Variants in ERMP1 observed in about 807,000 individuals in gnomAD.
ERMP1 encodes the protein endoplasmic reticulum metallopeptidase 1.
ERMP1 carries 86 observed loss-of-function variants against 92.0 expected under a neutral mutation model. The observed-to-expected ratio is 0.93, with a 90% CI of 0.79 to 1.12. ERMP1 has a LOEUF of 1.12. Among genes scored for constraint, ERMP1 ranks in the 50% most tolerant of loss-of-function variants. The pLI is 0.00. For missense variants in ERMP1, 1,342 were observed against 1,116.3 expected, an observed-to-expected ratio of 1.20 and a Z score of -2.88; for synonymous variants, 530 against 412.8, an observed-to-expected ratio of 1.28 and a Z score of -3.44.
At chr9:5,860,224 G>A (rs184489615) in intron 5 of ERMP1, among the ~76,000 whole-genome samples, 15 of 151,518 alleles carry the variant, frequency 9.9e-5, no homozygotes, top group South Asian at 2.1e-4. Flanking sequence ...AGGATTGCTT[G>A]AGCCCAGGAA....
intron 8 of ERMP1, among the ~76,000 whole-genome samples, chr9:5,809,345 G>A (rs1266427747): frequency 6.6e-6 from 1 of 152,078 alleles, no homozygotes; most frequent in Non-Finnish European, 1.5e-5. Flanking sequence ...TTTTATTTTT[G>A]CCAAACAAAT....
At chr9:5,847,920 A>G (rs1830259737) in intron 6 of ERMP1, among the ~76,000 whole-genome samples, 1 of 151,934 alleles carries the variant, frequency 6.6e-6, no homozygotes, top group Non-Finnish European at 1.5e-5. Context: ...CAGGAAAAAA[A>G]AAAAAACCCA....
intron 4 of ERMP1, among the ~76,000 whole-genome samples, chr9:5,822,644 T>C (rs937611949): frequency 2.6e-5 from 4 of 152,314 alleles, no homozygotes; most frequent in Non-Finnish European, 2.9e-5. Flanking sequence ...CAACACACTC[T>C]TGAATATTAA....
chr9:5,814,761 C>A (rs531090485), intron 4 of ERMP1, among the ~76,000 whole-genome samples: 2 of 151,820 alleles, frequency 1.3e-5, no homozygotes, highest in Admixed American at 6.6e-5. Flanking sequence ...AAAAATGACC[C>A]AAAAAAGCAG....
intron 6 of ERMP1, among the ~76,000 whole-genome samples, chr9:5,854,117 C>G (rs1188884043): frequency 6.6e-6 from 1 of 151,932 alleles, no homozygotes; most frequent in Non-Finnish European, 1.5e-5. Flanking sequence ...GGGCTCCCCA[C>G]TCTTTCTCCA....
chr9:5,845,647 C>G (rs1208378628), intron 6 of ERMP1, among the ~76,000 whole-genome samples: 1 of 152,154 alleles, frequency 6.6e-6, no homozygotes, highest in Non-Finnish European at 1.5e-5. Context: ...GCCACAGATT[C>G]TCTAGTGAAG....
intron 13 of ERMP1, among the ~76,000 whole-genome samples, chr9:5,789,863 TGGTAGA>T (rs1828102700): frequency 6.6e-6 from 1 of 151,484 alleles, no homozygotes. Flanking sequence ...TTTTTTTTTT[TGGTAGA>T]GATGGGGTCT....
chr9:5,864,105 C>T (rs759526899), intron 5 of ERMP1, among the ~76,000 whole-genome samples: 28 of 152,230 alleles, frequency 1.8e-4, no homozygotes, highest in Non-Finnish European at 3.8e-4. Flanking sequence ...CACATTTTCA[C>T]TAGTCATGAA....
chr9:5,831,836 G>A (rs1290205237), intron 1 of ERMP1, among the ~76,000 whole-genome samples: 2 of 152,112 alleles, frequency 1.3e-5, no homozygotes, highest in African/African-American at 2.4e-5. Context: ...AAAACCAACT[G>A]TACCCCTAAT....
intron 13 of ERMP1, among the ~76,000 whole-genome samples, chr9:5,791,539 A>C (rs1485116817): frequency 6.6e-6 from 1 of 152,232 alleles, no homozygotes; most frequent in Non-Finnish European, 1.5e-5. Flanking sequence ...CCAAGTTGAC[A>C]CATAAAATAA....
intron 13 of ERMP1, among the ~76,000 whole-genome samples, chr9:5,790,024 C>G (rs1360040390): frequency 1.3e-5 from 2 of 151,888 alleles, no homozygotes; most frequent in East Asian, 1.9e-4. Flanking sequence ...AAATGTATTA[C>G]AAAAACACTA....
intron 5 of ERMP1, among the ~76,000 whole-genome samples, chr9:5,861,423 T>A (rs1830492070): frequency 6.6e-6 from 1 of 152,146 alleles, no homozygotes; most frequent in Non-Finnish European, 1.5e-5. Flanking sequence ...GGTTTTTTTT[T>A]ACTATTTTAT....
chr9:5,811,437 T>C (rs747081585), intron 6 of ERMP1, 114 bp from the exon 7 acceptor site: 51 of 734,132 alleles, frequency 6.9e-5, no homozygotes, highest in Admixed American at 6.8e-4. Context: ...CCATATACTG[T>C]TTGAATGAAG....
Position 5,825,230 on chromosome 9 carries a change from G to C in ERMP1, c.641-11C>G. 6.2e-7 allele frequency: 1 copy of C among 1,603,502 alleles called. No homozygotes were observed. The highest frequency in any genetic ancestry group is 8.5e-7 in the Non-Finnish European group (1 of 1,177,074). The stretch of plus-strand genomic sequence containing the variant: ...CATCATCACTGGCACCTTCAAATCA[G>C]AAAAACAAATTTGCTGCTCAGATTT... On this transcript the variant is annotated splice_polypyrimidine_tract_variant and intron_variant, in intron 2 of 14. Coordinates refer to ENST00000339450, the MANE Select transcript of ERMP1 (RefSeq NM_024896.3).
Position 5,805,171 on chromosome 9 carries a change from A to G in ERMP1, c.1770T>C (p.Ile590=). The part of the protein sequence containing the change: ...FIAFYLLGMF[I]PYLYALYLIW... ...TGAGGTACAATGCATAAAGATAAGG[A>G]ATAAACATCCCCAAAAGGTAAAAAG... The change falls in exon 10 of 15, where the codon ATT becomes ATC. Residue 590 remains isoleucine (I), a synonymous_variant. Coordinates refer to ENST00000339450, the MANE Select transcript of ERMP1 (RefSeq NM_024896.3). 6.2e-7 allele frequency: 1 copy of G among 1,612,614 alleles called. No individual in the cohort carries two copies.
chr9:5,859,106 A>C (rs1830425379), intron 6 of ERMP1, among the ~76,000 whole-genome samples: 1 of 152,182 alleles, frequency 6.6e-6, no homozygotes, highest in Non-Finnish European at 1.5e-5. Flanking sequence ...ACTTGACTCT[A>C]ATGCCTCTGA....
chr9:5,793,423 TA>T (rs1447736451), intron 13 of ERMP1, among the ~76,000 whole-genome samples: 1 of 152,116 alleles, frequency 6.6e-6, no homozygotes, highest in African/African-American at 2.4e-5. Context: ...AATAGTTAAC[TA>T]ATATGGTAGC....
chr9:5,811,858 AGAGCTAC>A (rs546172559), intron 6 of ERMP1, among the ~76,000 whole-genome samples: 151 of 152,230 alleles, frequency 9.9e-4, no homozygotes, highest in Non-Finnish European at 9.0e-4. Flanking sequence ...GGAGACTAAC[AGAGCTAC>A]ATTCTTACCA....
At chr9:5,814,167 C>T (rs1259645633) in intron 4 of ERMP1, among the ~76,000 whole-genome samples, 2 of 152,144 alleles carry the variant, frequency 1.3e-5, no homozygotes, top group African/African-American at 4.8e-5. Flanking sequence ...GAGATCAATA[C>T]ATCCCTTATA....
Sources: gnomAD v4.1 joint callset for allele counts (sites outside exome capture counted in the v4.1 genomes callset) on GRCh38, gnomAD v4.1.1 for gene constraint, MANE v1.5 for transcripts, NCBI Gene and HGNC (gene_info 2026-07-23, HGNC 2026-07-21) for gene names.